CENPH: variants seen among roughly 807,000 people sequenced by gnomAD.
The protein encoded by CENPH is CENP-H.
CENPH carries 40 observed loss-of-function variants against 42.9 expected under a neutral mutation model. That is an observed-to-expected ratio of 0.93 (90% CI 0.72 to 1.21). The LOEUF is 1.21. Among genes scored for constraint, CENPH ranks in the 50% most tolerant of loss-of-function variants. The pLI is 0.00. For synonymous variants in CENPH, 88 were observed against 96.5 expected (o/e 0.91, Z 0.52); for missense variants, 302 against 292.9 (o/e 1.03, Z -0.23).
At chr5:69,194,557 A>C (rs1580224000) in intron 2 of CENPH, 90 bp from the exon 3 acceptor site, 1 of 662,670 alleles carries the variant, frequency 1.5e-6, no homozygotes, top group East Asian at 2.8e-5. Context: ...ATTTTAAATG[A>C]TGTCTTTTGC....
chr5:69,195,942 T>C lies in CENPH; in HGVS notation c.314+151T>C, dbSNP rs2972375. 0.014 allele frequency: 7,487 copies of C among 550,144 alleles called. 501 individuals carry two copies. In the East Asian group the frequency reaches 0.17, roughly 12 times the overall value. 34.1% of individuals were successfully genotyped at this position (550,144 alleles called of 1,614,324 possible). On this transcript the variant is annotated intron_variant, in intron 4 of 8. Coordinates refer to ENST00000283006, the MANE Select transcript of CENPH (RefSeq NM_022909.4). ...TCACACAAAATTTTTATTTTATTAT[T>C]GTTATAATTTTTTAATTTGACAAGG...
intron 8 of CENPH, among the ~76,000 whole-genome samples, chr5:69,208,619 A>G (rs937882447): frequency 3.3e-5 from 5 of 152,048 alleles, no homozygotes; most frequent in Admixed American, 3.3e-4. Flanking sequence ...TCAGCCTCCC[A>G]AAGTGCTGGG....
rs1158243799 is a variant in CENPH, at chr5:69,205,702, C to CTTTTT, written c.488-2474_488-2470dup. On this transcript the variant is annotated intron_variant, in intron 7 of 8. Transcript: ENST00000283006. ...CTAATTGTTTTTTTTCTGTAGATAT[C>CTTTTT]TTTTTTTTTTTTTTTTTTTTTTTTG... Among the ~76,000 whole-genome samples the CTTTTT allele has an allele frequency of 2.5e-3, 192 of 77,100 alleles. 5 individuals are homozygous for CTTTTT. The highest frequency in any genetic ancestry group is 5.5e-3 in the African/African-American group (102 of 18,464). 50.6% of individuals were successfully genotyped at this position (77,100 alleles called of 152,430 possible). A position where few individuals can be genotyped will look rare whatever the true frequency, so the allele number is the denominator to read the frequency against.
intron 5 of CENPH, chr5:69,197,615 A>T (rs1747983664): frequency 6.6e-6 from 1 of 152,146 alleles, no homozygotes. Flanking sequence ...GAAAACATGG[A>T]CACAGGAAGG....
At chr5:69,195,965 A>G (rs1747957332) in intron 4 of CENPH, among the ~76,000 whole-genome samples, 174 bp downstream of exon 4, 1 of 152,118 alleles carries the variant, frequency 6.6e-6, no homozygotes, top group African/African-American at 2.4e-5. Flanking sequence ...TAATTTGACA[A>G]GGTCTCACTC....
chr5:69,207,165 G>A (rs1424658558), intron 7 of CENPH, among the ~76,000 whole-genome samples: 2 of 151,320 alleles, frequency 1.3e-5, no homozygotes, highest in African/African-American at 4.9e-5. Context: ...GATTGATGAT[G>A]TTTATCCCTG....
intron 7 of CENPH, among the ~76,000 whole-genome samples, chr5:69,203,515 T>C (rs1181562747): frequency 6.6e-6 from 1 of 152,144 alleles, no homozygotes; most frequent in Non-Finnish European, 1.5e-5. Flanking sequence ...TACAGGCATG[T>C]CCTATCACAC....
Position 69,202,566 on chromosome 5 carries a change from G to T in CENPH, c.432G>T (p.Gln144His). 6.5e-7 allele frequency: 1 copy of T among 1,537,564 alleles called. No homozygotes were observed. The highest frequency in any genetic ancestry group is 9.0e-7 in the Non-Finnish European group (1 of 1,116,596). Residue 144 changes from glutamine (Q) to histidine (H), a missense_variant, in exon 6 of 9, where the codon CAG becomes CAT. Coordinates refer to ENST00000283006, the MANE Select transcript of CENPH (RefSeq NM_022909.4). Reference sequence around the variant, plus strand: ...TAAATAAATTAATAATGAAATCACAGCAGGTAAACTTACACATTAGGCTGA... The same window carrying T: ...TAAATAAATTAATAATGAAATCACATCAGGTAAACTTACACATTAGGCTGA... ...LELNKLIMKS[Q>H]QESWDLEEKL... is the part of the protein sequence containing the mutation.
intron 2 of CENPH, 58 bp from the exon 3 acceptor site, chr5:69,194,589 C>A: frequency 1.0e-6 from 1 of 987,716 alleles, no homozygotes; most frequent in Non-Finnish European, 1.6e-6. Context: ...ACATTATATT[C>A]CTTTTGGACA....
chr5:69,199,073 A>G (rs1484865190), intron 5 of CENPH, among the ~76,000 whole-genome samples: 1 of 152,220 alleles, frequency 6.6e-6, no homozygotes, highest in Admixed American at 6.5e-5. Context: ...ACAGAAATGT[A>G]ATCACTGACA....
chr5:69,193,159 A>G (rs917517445), intron 2 of CENPH, among the ~76,000 whole-genome samples: 18 of 150,900 alleles, frequency 1.2e-4, no homozygotes, highest in African/African-American at 4.4e-4. Context: ...ATATGTATAT[A>G]TATGTATATA....
intron 1 of CENPH, 151 bp from the exon 2 acceptor site, chr5:69,191,644 C>T (rs1747873867): frequency 1.8e-6 from 1 of 543,114 alleles, no homozygotes; most frequent in Non-Finnish European, 3.3e-6. Context: ...AAAATGAGGC[C>T]AAATTAGAAG....
At chr5:69,203,162 A>T (rs1464774223) in intron 7 of CENPH, among the ~76,000 whole-genome samples, 192 bp downstream of exon 7, 1 of 151,904 alleles carries the variant, frequency 6.6e-6, no homozygotes, top group Admixed American at 6.6e-5. Flanking sequence ...TTAGAACTTT[A>T]TTTTCGTTTT....
In CENPH at chr5:69,202,945, G is replaced by A. The variant is rs555965946; in HGVS notation, c.462G>A (p.Leu154=). 1.3e-6 allele frequency: 2 copies of A among 1,593,280 alleles called. No individual in the cohort carries two copies. Among genetic ancestry groups the A allele is most frequent in the South Asian group, 1.1e-5 (1 of 87,964 alleles). Residue 154 remains leucine (L), a synonymous_variant, in exon 7 of 9, where the codon CTG becomes CTA. Transcript: ENST00000283006. ...QQESWDLEEK[L]LDIRKKRLQL... is the part of the protein sequence containing the mutation. ...AATCTTGGGATTTAGAGGAAAAACT[G>A]CTTGATATTAGAAAGAAGAGATTGC... is the stretch of plus-strand genomic sequence containing the variant.
In CENPH at chr5:69,197,052, G is replaced by T; in HGVS notation, c.315-1G>T. ...TAATGCAAGCTTTTTCCCTCTCATA[G>T]GATGAGACTTTCAACTGCACTTAAA... On this transcript the variant is annotated splice_acceptor_variant, in intron 4 of 8. Transcript: ENST00000283006. LOFTEE classifies it high-confidence loss of function. The T allele has an allele frequency of 6.4e-7, 1 of 1,562,904 alleles. No homozygotes were observed. Among genetic ancestry groups the T allele is most frequent in the Admixed American group, 2.1e-5 (1 of 47,390 alleles).
chr5:69,204,064 TATATATA>T (rs1458068616), intron 7 of CENPH, among the ~76,000 whole-genome samples: 1 of 100,292 alleles, frequency 1.0e-5, no homozygotes, highest in African/African-American at 3.8e-5. Flanking sequence ...TATATATAAA[TATATATA>T]ATATATAAAT....
chr5:69,201,196 C>T (rs1207047588), intron 5 of CENPH, among the ~76,000 whole-genome samples: 2 of 152,136 alleles, frequency 1.3e-5, no homozygotes, highest in African/African-American at 2.4e-5. Flanking sequence ...GACTGTGGCA[C>T]TCTGAAGTAT....
At chr5:69,193,399 C>T (rs992899313) in intron 2 of CENPH, among the ~76,000 whole-genome samples, 2 of 151,546 alleles carry the variant, frequency 1.3e-5, no homozygotes, top group African/African-American at 2.4e-5. Context: ...TTTGAGGGGC[C>T]AAGGCGAGAG....
At chr5:69,196,964 G>T in intron 4 of CENPH, 89 bp from the exon 5 acceptor site, 13 of 758,450 alleles carry the variant, frequency 1.7e-5, no homozygotes, top group South Asian at 6.5e-5. Context: ...ATATTTGAAG[G>T]GAAATCAATC....
Sources: gnomAD v4.1 joint callset for allele counts (sites outside exome capture counted in the v4.1 genomes callset) on GRCh38, gnomAD v4.1.1 for gene constraint, MANE v1.5 for transcripts, NCBI Gene and HGNC (gene_info 2026-07-23, HGNC 2026-07-21) for gene names.